HIBADH: variants seen among roughly 807,000 people sequenced by gnomAD.
The protein encoded by HIBADH is 3-hydroxyisobutyrate dehydrogenase, also known as 3-hydroxyisobutyrate dehydrogenase, mitochondrial.
HIBADH carries 25 observed loss-of-function variants against 36.1 expected under a neutral mutation model. The observed-to-expected ratio is 0.69, with a 90% CI of 0.50 to 0.97. HIBADH has a LOEUF of 0.97. Ranked by LOEUF, HIBADH falls within the 50% of genes least tolerant of loss-of-function variation. The pLI is 0.00. For missense variants in HIBADH, 421 were observed against 418.0 expected (o/e 1.01, Z -0.06); for synonymous variants, 160 against 149.5 (o/e 1.07, Z -0.51).
intron 4 of HIBADH, among the ~76,000 whole-genome samples, chr7:27,576,258 A>G (rs961771679): frequency 8.5e-5 from 13 of 152,186 alleles, no homozygotes; most frequent in African/African-American, 3.1e-4. Context: ...AACTGTGTGG[A>G]TGTGGAGGCG....
intron 5 of HIBADH, among the ~76,000 whole-genome samples, chr7:27,541,416 T>G (rs1199318928): frequency 6.6e-6 from 1 of 152,176 alleles, no homozygotes; most frequent in Non-Finnish European, 1.5e-5. Flanking sequence ...ATATTAGATG[T>G]AAGTATGCCT....
At chr7:27,542,099 A>G (rs1479139981) in intron 5 of HIBADH, among the ~76,000 whole-genome samples, 1 of 152,196 alleles carries the variant, frequency 6.6e-6, no homozygotes, top group Admixed American at 6.5e-5. Flanking sequence ...CATATTTATA[A>G]ACTAGTATCT....
chr7:27,598,997 T>C (rs1025469021), intron 4 of HIBADH, among the ~76,000 whole-genome samples: 3 of 138,218 alleles, frequency 2.2e-5, no homozygotes, highest in Non-Finnish European at 4.7e-5. Flanking sequence ...AGGCATAAAG[T>C]GAGTACAATT....
At chr7:27,564,573 T>C (rs938417058) in intron 4 of HIBADH, among the ~76,000 whole-genome samples, 2 of 152,356 alleles carry the variant, frequency 1.3e-5, no homozygotes, top group Middle Eastern at 3.4e-3. Flanking sequence ...GAAGTAAGTA[T>C]GAAAATTGAG....
At chr7:27,620,366 A>G (rs554186962) in intron 4 of HIBADH, among the ~76,000 whole-genome samples, 1 of 152,254 alleles carries the variant, frequency 6.6e-6, no homozygotes, top group Non-Finnish European at 1.5e-5. Flanking sequence ...AGACAAAAGC[A>G]TCTGGTCACC....
At chr7:27,527,917 C>CTTTTTTTTTTTTTTTTT (rs1562609863) in intron 7 of HIBADH, among the ~76,000 whole-genome samples, 800 of 76,966 alleles carry the variant, frequency 0.01, 281 homozygotes, top group African/African-American at 0.017. Flanking sequence ...CCACACCCAG[C>CTTTTTTTTTTTTTTTTT]GTTTTTTTTT....
intron 4 of HIBADH, among the ~76,000 whole-genome samples, chr7:27,560,276 C>G (rs1038515931): frequency 3.3e-5 from 5 of 152,128 alleles, no homozygotes; most frequent in African/African-American, 1.2e-4. Context: ...CGTGCACCAC[C>G]ACGCCTAATT....
chr7:27,538,471 C>G (rs1784099217), intron 5 of HIBADH, 54 bp from the exon 6 acceptor site: 41 of 1,507,422 alleles, frequency 2.7e-5, no homozygotes, highest in Non-Finnish European at 2.9e-5. Context: ...GTAAAACTCA[C>G]AGGACGTTTT....
At chr7:27,623,926 T>A (rs1785591273) in intron 4 of HIBADH, among the ~76,000 whole-genome samples, 3 of 152,200 alleles carry the variant, frequency 2.0e-5, no homozygotes, top group Admixed American at 6.5e-5. Context: ...GCCTACCAAG[T>A]AGCTGGGACA....
Position 27,629,377 on chromosome 7 carries a change from A to T in HIBADH, c.478T>A (p.Ser160Thr). ...MGAVFMDAPV[S>T]GGVGAARSGN... ...TATTTTAGCTACCACTTACCACCAGAAACAGGGGCATCCATGAAAACTGCT... is the reference window on the plus strand; with the variant it reads ...TATTTTAGCTACCACTTACCACCAGTAACAGGGGCATCCATGAAAACTGCT... Residue 160 changes from serine to threonine, a missense_variant, in exon 4 of 8, where the codon TCT becomes ACT. Ser to Thr is a moderately conservative substitution (Grantham distance 58, BLOSUM62 1). Transcript: ENST00000265395. The T allele has an allele frequency of 1.2e-6, 2 of 1,610,200 alleles. No homozygotes were observed.
intron 4 of HIBADH, among the ~76,000 whole-genome samples, chr7:27,626,120 A>G (rs1785639345): frequency 6.6e-6 from 1 of 151,086 alleles, no homozygotes; most frequent in Non-Finnish European, 1.5e-5. Flanking sequence ...AAAAAAAAAA[A>G]AAAAAAGATG....
intron 4 of HIBADH, among the ~76,000 whole-genome samples, chr7:27,611,844 C>G (rs1416895702): frequency 6.6e-6 from 1 of 152,102 alleles, no homozygotes; most frequent in Non-Finnish European, 1.5e-5. Flanking sequence ...GCCTCAGAGC[C>G]CTTACAGAGC....
At chr7:27,643,665 C>A (rs950348638) in intron 2 of HIBADH, among the ~76,000 whole-genome samples, 2 of 152,196 alleles carry the variant, frequency 1.3e-5, no homozygotes, top group African/African-American at 4.8e-5. Context: ...CAACAAGTTA[C>A]CACAAGCACC....
intron 4 of HIBADH, among the ~76,000 whole-genome samples, chr7:27,617,386 T>C (rs1785449419): frequency 6.6e-6 from 1 of 152,158 alleles, no homozygotes; most frequent in African/African-American, 2.4e-5. Flanking sequence ...TAACATTAAG[T>C]GACACAACAC....
In HIBADH at chr7:27,608,331, G is replaced by A. The variant is rs556639930; in HGVS notation, c.484+21040C>T. On this transcript the variant is annotated intron_variant, in intron 4 of 7. Coordinates refer to ENST00000265395, the MANE Select transcript of HIBADH (RefSeq NM_152740.4). ...GCATATCTGCTGCCATACTTTCCTT[G>A]GACCTGAAGGAAAGATGACTACTAT... Among the ~76,000 whole-genome samples the A allele has an allele frequency of 1.6e-4, 25 of 152,206 alleles. 1 individual carries two copies. In the South Asian group the frequency reaches 5.2e-3, roughly 32 times the overall value.
rs117052877 is a variant in HIBADH at position 27,585,604 on chromosome 7, A to C, written c.485-42504T>G. 9.4e-3 allele frequency among the ~76,000 whole-genome samples: 1,430 copies of C among 152,312 alleles called. 16 individuals are homozygous for C. Among genetic ancestry groups the C allele is most frequent in the Non-Finnish European group, 0.016 (1,055 of 68,000 alleles). ...CTGTCTAATTCACTGGGATGATATG[A>C]GAAATAATTAGGAAAAGAATGAAAA... On this transcript the variant is annotated intron_variant, in intron 4 of 7. Coordinates refer to ENST00000265395, the MANE Select transcript of HIBADH (RefSeq NM_152740.4).
At chr7:27,627,996 G>C (rs1785679048) in intron 4 of HIBADH, among the ~76,000 whole-genome samples, 1 of 152,056 alleles carries the variant, frequency 6.6e-6, no homozygotes, top group Admixed American at 6.5e-5. Flanking sequence ...TGAGACCAAA[G>C]AAAATCAATC....
chr7:27,621,437 T>C (rs1785540970), intron 4 of HIBADH, among the ~76,000 whole-genome samples: 1 of 152,196 alleles, frequency 6.6e-6, no homozygotes, highest in Non-Finnish European at 1.5e-5. Flanking sequence ...CATCAGTATA[T>C]GGAACATTCT....
intron 1 of HIBADH, among the ~76,000 whole-genome samples, chr7:27,653,229 A>G (rs1562661185): frequency 6.6e-6 from 1 of 152,234 alleles, no homozygotes; most frequent in Non-Finnish European, 1.5e-5. Context: ...AGCCACAGGA[A>G]AAGACAGGTA....
Sources: allele counts gnomAD v4.1 joint callset (sites outside exome capture counted in the v4.1 genomes callset), GRCh38; gene constraint gnomAD v4.1.1; transcripts MANE v1.5; gene names NCBI Gene and HGNC (gene_info 2026-07-23, HGNC 2026-07-21).